ETF1: variants seen among roughly 807,000 people sequenced by gnomAD.
The protein encoded by ETF1 is eukaryotic peptide chain release factor subunit 1.
ETF1 carries 4 observed loss-of-function variants against 55.1 expected under a neutral mutation model. The observed-to-expected ratio is 0.07, with a 90% CI of 0.04 to 0.17. ETF1 has a LOEUF of 0.17. Among genes scored for constraint, ETF1 ranks in the 10% least tolerant of loss-of-function variants. The probability of loss-of-function intolerance (pLI) is 1.00; values close to 1 mark genes in which losing one functional copy is unlikely to be tolerated. For synonymous variants in ETF1, 157 were observed against 182.3 expected (o/e 0.86, Z 1.12); for missense variants, 142 against 523.6 (o/e 0.27, Z 7.11).
intron 2 of ETF1, among the ~76,000 whole-genome samples, chr5:138,520,107 A>C (rs1765174618): frequency 6.9e-6 from 1 of 144,664 alleles, no homozygotes; most frequent in African/African-American, 2.6e-5. Flanking sequence ...AGAACTGAAC[A>C]AAATTAAGAC....
intron 6 of ETF1, among the ~76,000 whole-genome samples, chr5:138,512,247 TA>T (rs1764835639): frequency 2.4e-4 from 2 of 8,294 alleles, no homozygotes; most frequent in Non-Finnish European, 4.8e-4. Context: ...TATATATATA[TA>T]TATATATATA....
intron 2 of ETF1, chr5:138,529,638 T>C: frequency 1.0e-6 from 1 of 985,448 alleles, no homozygotes; most frequent in Non-Finnish European, 1.2e-6. Context: ...CACTTTGGCT[T>C]ATCAAAGCTT....
rs765835958 is a variant in ETF1 at position 138,518,765 on chromosome 5, C to T, written c.189G>A (p.Lys63=). ...GGACTGAAAGGCGGTTTACTCGTGACTTAATGTTAGATGCAGTTCCAAACT... is the reference window on the plus strand; with the variant it reads ...GGACTGAAAGGCGGTTTACTCGTGATTTAATGTTAGATGCAGTTCCAAACT... The part of the protein sequence containing the change: ...ADEFGTASNI[K]SRVNRLSVLG... Residue 63 remains lysine (K), a synonymous_variant, in exon 3 of 11, where the codon AAG becomes AAA. Coordinates refer to ENST00000360541, the MANE Select transcript of ETF1 (RefSeq NM_004730.4). 5.0e-5 allele frequency: 81 copies of T among 1,613,884 alleles called. No individual in the cohort carries two copies. Among genetic ancestry groups the T allele is most frequent in the Non-Finnish European group, 6.7e-5 (79 of 1,179,870 alleles).
intron 2 of ETF1, 111 bp downstream of exon 2, chr5:138,542,722 G>A (rs578188741): frequency 1.0e-5 from 16 of 1,531,362 alleles, no homozygotes; most frequent in South Asian, 6.0e-5. Flanking sequence ...TCCAGAAGGC[G>A]GGAGTTGGCT....
intron 2 of ETF1, among the ~76,000 whole-genome samples, chr5:138,540,986 G>A (rs1208662923): frequency 6.6e-6 from 1 of 152,174 alleles, no homozygotes; most frequent in Non-Finnish European, 1.5e-5. Flanking sequence ...TTATAGTCAT[G>A]ATTTAATTTT....
intron 2 of ETF1, among the ~76,000 whole-genome samples, chr5:138,541,936 C>A (rs941999705): frequency 1.3e-5 from 2 of 152,100 alleles, no homozygotes; most frequent in African/African-American, 4.8e-5. Context: ...TACTCTCCCC[C>A]CAATGGACAC....
intron 4 of ETF1, among the ~76,000 whole-genome samples, chr5:138,514,397 A>G (rs535616204): frequency 1.2e-3 from 184 of 152,254 alleles, no homozygotes; most frequent in African/African-American, 4.2e-3. Context: ...CTACAAAAAA[A>G]TACAAAAATT....
At chr5:138,526,504 C>G (rs1246608876) in intron 2 of ETF1, among the ~76,000 whole-genome samples, 1 of 152,118 alleles carries the variant, frequency 6.6e-6, no homozygotes, top group African/African-American at 2.4e-5. Flanking sequence ...GTTAATTCCA[C>G]AGGTTTTCCA....
At chr5:138,532,751 G>A (rs953117645) in intron 2 of ETF1, among the ~76,000 whole-genome samples, 5 of 152,060 alleles carry the variant, frequency 3.3e-5, no homozygotes, top group African/African-American at 9.7e-5. Context: ...CCAGAACACT[G>A]GAAACTCTGT....
chr5:138,511,405 C>T (rs921345335), intron 7 of ETF1, 70 bp downstream of exon 7: 2 of 1,148,908 alleles, frequency 1.7e-6, no homozygotes, highest in South Asian at 1.6e-5. Context: ...CACACACATA[C>T]ACACACACAC....
intron 2 of ETF1, among the ~76,000 whole-genome samples, chr5:138,533,626 C>T (rs1402223000): frequency 1.3e-5 from 2 of 152,096 alleles, no homozygotes; most frequent in Non-Finnish European, 2.9e-5. Context: ...GCAGTGGTTG[C>T]GGTGAGCCAA....
At chr5:138,532,076 A>AAATC (rs1488658427) in intron 2 of ETF1, among the ~76,000 whole-genome samples, 30 of 151,636 alleles carry the variant, frequency 2.0e-4, no homozygotes, top group African/African-American at 5.8e-4. Flanking sequence ...ATAAATAAAT[A>AAATC]AATCTCAGCC....
intron 2 of ETF1, among the ~76,000 whole-genome samples, chr5:138,536,819 G>A (rs1463388004): frequency 6.6e-6 from 1 of 152,100 alleles, no homozygotes; most frequent in East Asian, 1.9e-4. Context: ...GTGCTGTACT[G>A]GGCCGATCCT....
At position 138,517,979 on chromosome 5, in the gene ETF1, A is replaced by T. The variant is rs1407677674; in HGVS notation, c.263-279T>A. The T allele has an allele frequency of 4.7e-6, 3 of 642,868 alleles. No homozygotes were observed. In the African/African-American group the frequency reaches 5.9e-5, roughly 13 times the overall value. 39.8% of individuals were successfully genotyped at this position (642,868 alleles called of 1,614,324 possible). A position where few individuals can be genotyped will look rare whatever the true frequency, so the allele number is the denominator to read the frequency against. ...CACTCTGGGAGGCCGAGGTAGGCGG[A>T]TCACCTGACGTCAGGAATTCAAGAC... On this transcript the variant is annotated intron_variant, in intron 3 of 10. Coordinates refer to ENST00000360541, the MANE Select transcript of ETF1 (RefSeq NM_004730.4).
At chr5:138,518,151 C>G (rs1028854735) in intron 3 of ETF1, among the ~76,000 whole-genome samples, 4 of 137,596 alleles carry the variant, frequency 2.9e-5, no homozygotes, top group Non-Finnish European at 6.0e-5. Flanking sequence ...GAGCTGAGAT[C>G]GGATTACTGC....
intron 4 of ETF1, among the ~76,000 whole-genome samples, chr5:138,517,191 A>G (rs1765055268): frequency 6.6e-6 from 1 of 152,052 alleles, no homozygotes; most frequent in Non-Finnish European, 1.5e-5. Flanking sequence ...CAATGTGTTT[A>G]AACACCATCT....
chr5:138,521,525 CTTAT>C lies in ETF1; in HGVS notation c.87-2662_87-2659del, dbSNP rs987923577. ...AATCAACTACTTAGTCCATTTATAA[CTTAT>C]TTATTTATTTTTTTTAGATGGAGTC... On this transcript the variant is annotated intron_variant, in intron 2 of 10. Coordinates refer to ENST00000360541, the MANE Select transcript of ETF1 (RefSeq NM_004730.4). Among the ~76,000 whole-genome samples the C allele has an allele frequency of 5.9e-4, 90 of 152,124 alleles. 1 individual carries two copies. The highest frequency in any genetic ancestry group is 1.0e-3 in the Admixed American group (16 of 15,244).
chr5:138,530,831 T>C (rs1338208651), intron 2 of ETF1, among the ~76,000 whole-genome samples: 2 of 152,170 alleles, frequency 1.3e-5, no homozygotes, highest in Admixed American at 6.5e-5. Flanking sequence ...TCCCAAAGAA[T>C]TGGGATTACA....
At chr5:138,523,691 A>C (rs184236700) in intron 2 of ETF1, among the ~76,000 whole-genome samples, 176 of 152,340 alleles carry the variant, frequency 1.2e-3, no homozygotes, top group Middle Eastern at 6.8e-3. Flanking sequence ...AGGTTGATGG[A>C]AATACTGTTT....
Sources: gnomAD v4.1 joint callset for allele counts (sites outside exome capture counted in the v4.1 genomes callset) on GRCh38, gnomAD v4.1.1 for gene constraint, MANE v1.5 for transcripts, NCBI Gene and HGNC (gene_info 2026-07-23, HGNC 2026-07-21) for gene names.